Variants in ZC4H2 observed in about 807,000 individuals in gnomAD.
The protein encoded by ZC4H2 is zinc finger C4H2 domain-containing protein.
For synonymous variants in ZC4H2, 84 were observed against 66.3 expected, an observed-to-expected ratio of 1.27 and a Z score of -1.30; for missense variants, 137 against 173.9, an observed-to-expected ratio of 0.79 and a Z score of 1.19.
chrX:64,941,315 A>G (rs955355593), intron 1 of ZC4H2, among the ~76,000 whole-genome samples: 1 of 111,800 alleles, frequency 8.9e-6, no homozygotes, highest in Non-Finnish European at 1.9e-5. Flanking sequence ...GGGTTTTCTG[A>G]ATATACCATC....
At chrX:64,981,825 A>T (rs1932087364) in intron 1 of ZC4H2, among the ~76,000 whole-genome samples, 2 of 111,231 alleles carry the variant, frequency 1.8e-5, no homozygotes, top group South Asian at 3.9e-4. Context: ...AACTTTGAAG[A>T]TTCCCCTAGG....
At chrX:65,004,915 C>T (rs1481523049) in intron 1 of ZC4H2, among the ~76,000 whole-genome samples, 1 of 111,795 alleles carries the variant, frequency 8.9e-6, no homozygotes. Flanking sequence ...GCAAAAATCA[C>T]AAGCATTCCT....
At chrX:64,928,756 T>C (rs1300374991) in intron 1 of ZC4H2, among the ~76,000 whole-genome samples, 1 of 101,225 alleles carries the variant, frequency 9.9e-6, no homozygotes, top group Non-Finnish European at 2.0e-5. Flanking sequence ...CTTCTTCTTC[T>C]TTTCTTCTTC....
chrX:64,937,175 C>G (rs955879530), intron 1 of ZC4H2, among the ~76,000 whole-genome samples: 1 of 110,051 alleles, frequency 9.1e-6, no homozygotes, highest in African/African-American at 3.3e-5. Flanking sequence ...GTTTGTTGGT[C>G]AAAAGAGACA....
intron 1 of ZC4H2, among the ~76,000 whole-genome samples, chrX:64,981,801 G>A (rs184935296): frequency 9.0e-6 from 1 of 111,430 alleles, no homozygotes; most frequent in Admixed American, 9.5e-5. Flanking sequence ...GTTGAGGGGT[G>A]TGTTTGAAGC....
At chrX:64,929,857 C>G (rs1470793337) in intron 1 of ZC4H2, among the ~76,000 whole-genome samples, 4 of 111,262 alleles carry the variant, frequency 3.6e-5, no homozygotes, top group Non-Finnish European at 7.5e-5. Context: ...TGTGGGCTCT[C>G]TTTTGGTTCC....
intron 1 of ZC4H2, among the ~76,000 whole-genome samples, chrX:64,948,889 C>G (rs776181325): frequency 8.9e-6 from 1 of 111,751 alleles, no homozygotes; most frequent in African/African-American, 3.3e-5. Flanking sequence ...AAACGTTTCA[C>G]CAAGTTGTAA....
At chrX:65,033,738 T>C (rs1461743182) in intron 1 of ZC4H2, among the ~76,000 whole-genome samples, 1 of 112,334 alleles carries the variant, frequency 8.9e-6, no homozygotes, top group African/African-American at 3.2e-5. Context: ...AACTACTCTA[T>C]AGGTATTATA....
chrX:65,024,432 A>C (rs531332841), intron 1 of ZC4H2, among the ~76,000 whole-genome samples: 1 of 111,442 alleles, frequency 9.0e-6, no homozygotes, highest in South Asian at 3.8e-4. Flanking sequence ...TAAATTTGTA[A>C]ATTATTAATA....
intron 1 of ZC4H2, among the ~76,000 whole-genome samples, chrX:64,969,444 T>A (rs752509684): frequency 1.8e-4 from 20 of 111,524 alleles, no homozygotes; most frequent in Middle Eastern, 4.6e-3. Context: ...ATGGGAAAAT[T>A]AGGTGAAAAG....
At chrX:65,033,960 G>A (rs1236688392) in intron 1 of ZC4H2, among the ~76,000 whole-genome samples, 2 of 110,349 alleles carry the variant, frequency 1.8e-5, no homozygotes, top group African/African-American at 6.6e-5. Flanking sequence ...ATGGTGGCTT[G>A]CACCTGTAGT....
In ZC4H2 at chrX:64,984,348, A is replaced by G. The variant is rs191962154; in HGVS notation, c.-272+50281T>C. On this transcript the variant is annotated intron_variant, in intron 1 of 4. Transcript: ENST00000337990. ...TGCAAAGCCAGCTACACAAGAGGAC[A>G]GGAGTTTATTATTATTCGAATCAGC... Among the ~76,000 whole-genome samples the G allele has an allele frequency of 9.3e-4, 104 of 112,182 alleles. 1 individual carries two copies. Among genetic ancestry groups the G allele is most frequent in the Non-Finnish European group, 1.6e-3 (84 of 53,302 alleles).
At chrX:65,029,859 T>A (rs778440643) in intron 1 of ZC4H2, among the ~76,000 whole-genome samples, 4 of 109,793 alleles carry the variant, frequency 3.6e-5, no homozygotes, top group Non-Finnish European at 7.6e-5. Flanking sequence ...TGGAGAATGG[T>A]TAAAGTTTGG....
intron 1 of ZC4H2, among the ~76,000 whole-genome samples, chrX:64,961,786 GA>G (rs1265835032): frequency 2.7e-5 from 3 of 111,277 alleles, no homozygotes; most frequent in Admixed American, 1.9e-4. Flanking sequence ...CTACTATGAA[GA>G]ATCACATATC....
At chrX:65,006,258 A>G (rs1932656152) in intron 1 of ZC4H2, among the ~76,000 whole-genome samples, 1 of 111,765 alleles carries the variant, frequency 8.9e-6, no homozygotes, top group Non-Finnish European at 1.9e-5. Context: ...ACGCATGCAC[A>G]CGTATATTTA....
chrX:65,008,940 T>A (rs187366554), intron 1 of ZC4H2, among the ~76,000 whole-genome samples: 7 of 111,346 alleles, frequency 6.3e-5, no homozygotes, highest in Non-Finnish European at 1.1e-4. Context: ...TTATTCTATA[T>A]CTCAATATAA....
intron 1 of ZC4H2, among the ~76,000 whole-genome samples, chrX:64,967,122 G>A (rs1487184911): frequency 9.0e-6 from 1 of 110,892 alleles, no homozygotes; most frequent in Admixed American, 9.6e-5. Flanking sequence ...GCTGATTAAG[G>A]CAGCCAGGAG....
chrX:64,935,888 A>C (rs1929986255), intron 1 of ZC4H2, among the ~76,000 whole-genome samples: 2 of 111,593 alleles, frequency 1.8e-5, no homozygotes, highest in African/African-American at 6.5e-5. Context: ...ACAACTCCTC[A>C]TCAGCAAGGG....
chrX:64,949,703 T>C, intron 1 of ZC4H2, among the ~76,000 whole-genome samples: 2 of 111,891 alleles, frequency 1.8e-5, no homozygotes, highest in Admixed American at 1.9e-4. Context: ...ATCCCCTTTA[T>C]CATTTTTTAT....
Sources: gnomAD v4.1 joint callset for allele counts (sites outside exome capture counted in the v4.1 genomes callset) on GRCh38, gnomAD v4.1.1 for gene constraint, MANE v1.5 for transcripts, NCBI Gene and HGNC (gene_info 2026-07-23, HGNC 2026-07-21) for gene names.